Variants in PDE4B observed in about 807,000 individuals in gnomAD.
PDE4B encodes 3',5'-cyclic-AMP phosphodiesterase 4B.
In PDE4B, 20 loss-of-function variants were observed where a neutral mutation model predicts 82.2. That is an observed-to-expected ratio of 0.24 (90% CI 0.17 to 0.35). The LOEUF (loss-of-function observed/expected upper bound fraction) is 0.35, where lower values mean the gene tolerates loss of function less well. PDE4B is among the 10% of genes least tolerant of loss of function. PDE4B has a pLI of 1.00. For synonymous variants in PDE4B, 320 were observed against 318.9 expected, an observed-to-expected ratio of 1.00 and a Z score of -0.04; for missense variants, 655 against 907.2, an observed-to-expected ratio of 0.72 and a Z score of 3.57.
chr1:65,807,465 A>G (rs903022145), intron 1 of PDE4B, among the ~76,000 whole-genome samples: 3 of 152,242 alleles, frequency 2.0e-5, no homozygotes, highest in African/African-American at 7.2e-5. Flanking sequence ...CAATGCTTTA[A>G]TAAGTATCCC....
chr1:66,237,859 G>A (rs1194483179), intron 3 of PDE4B, among the ~76,000 whole-genome samples: 1 of 152,160 alleles, frequency 6.6e-6, no homozygotes. Context: ...ATAACCTGCA[G>A]TATGTCCCAG....
chr1:66,365,170 A>G (rs1246680566), intron 12 of PDE4B, among the ~76,000 whole-genome samples: 1 of 152,206 alleles, frequency 6.6e-6, no homozygotes, highest in Admixed American at 6.6e-5. Context: ...ATAATATCTG[A>G]AAGCTTGTGA....
chr1:66,299,748 G>A (rs1282495144), intron 7 of PDE4B, among the ~76,000 whole-genome samples: 2 of 152,042 alleles, frequency 1.3e-5, no homozygotes, highest in African/African-American at 4.8e-5. Flanking sequence ...TTCTGATAAT[G>A]GCCAAAAGCT....
Position 66,145,701 on chromosome 1 carries a change from C to T in PDE4B, c.282-101759C>T, listed in dbSNP as rs148698717. On this transcript the variant is annotated intron_variant, in intron 3 of 16. Coordinates refer to ENST00000341517, the MANE Select transcript of PDE4B (RefSeq NM_002600.4). ...TCTTCAGATGATGGGAAGTGATTTC[C>T]GCAAAAGCTTTTATGCCTTAATTGC... Among the ~76,000 whole-genome samples the T allele has an allele frequency of 4.8e-3, 724 of 152,158 alleles. 3 individuals are homozygous for T. Among genetic ancestry groups the T allele is most frequent in the Non-Finnish European group, 8.2e-3 (558 of 68,016 alleles).
chr1:66,229,809 C>T (rs556089843), intron 3 of PDE4B, among the ~76,000 whole-genome samples: 1 of 152,172 alleles, frequency 6.6e-6, no homozygotes, highest in African/African-American at 2.4e-5. Flanking sequence ...TAATCTAATC[C>T]TCACAGCAAG....
intron 3 of PDE4B, among the ~76,000 whole-genome samples, chr1:66,204,104 G>A (rs962170601): frequency 6.6e-6 from 1 of 152,200 alleles, no homozygotes; most frequent in African/African-American, 2.4e-5. Flanking sequence ...GAGTTTGCTA[G>A]AGGTCCATTC....
At chr1:66,092,930 A>G (rs1645051917) in intron 3 of PDE4B, among the ~76,000 whole-genome samples, 1 of 152,120 alleles carries the variant, frequency 6.6e-6, no homozygotes, top group Non-Finnish European at 1.5e-5. Flanking sequence ...CCTATAGGCC[A>G]TGTTGAGCAT....
intron 1 of PDE4B, among the ~76,000 whole-genome samples, chr1:65,909,523 T>A (rs1018434270): frequency 6.6e-6 from 1 of 152,124 alleles, no homozygotes; most frequent in Non-Finnish European, 1.5e-5. Context: ...TGCAATTATA[T>A]AAAGAATATT....
intron 6 of PDE4B, among the ~76,000 whole-genome samples, chr1:66,263,071 A>G (rs1654802400): frequency 6.6e-6 from 1 of 152,254 alleles, no homozygotes; most frequent in African/African-American, 2.4e-5. Context: ...GAGTACCTCC[A>G]TCATAGCAAA....
intron 1 of PDE4B, among the ~76,000 whole-genome samples, chr1:65,816,585 C>G (rs1303282777): frequency 6.6e-6 from 1 of 152,056 alleles, no homozygotes; most frequent in Admixed American, 6.5e-5. Flanking sequence ...TCACAGATTT[C>G]ATCACAAAGA....
intron 3 of PDE4B, among the ~76,000 whole-genome samples, chr1:66,215,720 G>C (rs1570486385): frequency 1.3e-5 from 2 of 152,124 alleles, no homozygotes; most frequent in African/African-American, 4.8e-5. Flanking sequence ...GAACCAGAGA[G>C]AGGCCAGGGA....
At chr1:66,340,435 C>T (rs972928453) in intron 8 of PDE4B, among the ~76,000 whole-genome samples, 1 of 152,156 alleles carries the variant, frequency 6.6e-6, no homozygotes, top group Non-Finnish European at 1.5e-5. Flanking sequence ...TTCTGTTCAA[C>T]AGTCACTTTT....
chr1:66,331,834 T>C (rs888669536), intron 7 of PDE4B: 7 of 985,192 alleles, frequency 7.1e-6, no homozygotes, highest in Non-Finnish European at 8.4e-6. Context: ...GACTGGAGTC[T>C]TATCAGGGAG....
At chr1:65,870,291 T>C (rs1646558423) in intron 1 of PDE4B, among the ~76,000 whole-genome samples, 1 of 152,148 alleles carries the variant, frequency 6.6e-6, no homozygotes, top group African/African-American at 2.4e-5. Flanking sequence ...GTTATTTTTG[T>C]CTTTAAATCA....
At chr1:65,953,649 T>C (rs1450857556) in intron 3 of PDE4B, among the ~76,000 whole-genome samples, 1 of 152,040 alleles carries the variant, frequency 6.6e-6, no homozygotes, top group African/African-American at 2.4e-5. Flanking sequence ...CCTTAATATA[T>C]TTGTGTTGTT....
At chr1:65,885,641 C>T (rs535106897) in intron 1 of PDE4B, among the ~76,000 whole-genome samples, 4 of 151,770 alleles carry the variant, frequency 2.6e-5, no homozygotes, top group South Asian at 4.2e-4. Context: ...TGTTCTCACT[C>T]ATAGGTTGGA....
intron 1 of PDE4B, among the ~76,000 whole-genome samples, chr1:65,853,253 A>T (rs888073683): frequency 3.9e-5 from 6 of 152,084 alleles, no homozygotes; most frequent in African/African-American, 1.4e-4. Context: ...CTTATAATGT[A>T]TCTATAACTT....
At chr1:65,958,762 G>A (rs201744004) in intron 3 of PDE4B, among the ~76,000 whole-genome samples, 2,329 of 148,042 alleles carry the variant, frequency 0.016, 31 homozygotes, top group Non-Finnish European at 0.022. Flanking sequence ...GCGCGCGCGC[G>A]CGCACACACA....
At position 66,329,374 on chromosome 1, in the gene PDE4B, C is replaced by A. The variant is rs1033479916; in HGVS notation, c.635-3134C>A. On this transcript the variant is annotated intron_variant, in intron 7 of 16. Coordinates refer to ENST00000341517, the MANE Select transcript of PDE4B (RefSeq NM_002600.4). ...AAATAAAAAGTATATGAAGAAAAAA[C>A]CACCATGACAAGTTGAAAGAGAGAA... 5.9e-5 allele frequency among the ~76,000 whole-genome samples: 9 copies of A among 152,190 alleles called. No homozygotes were observed. In the East Asian group the frequency reaches 9.6e-4, roughly 16 times the overall value.
Sources: gnomAD v4.1 joint callset for allele counts (sites outside exome capture counted in the v4.1 genomes callset) on GRCh38, gnomAD v4.1.1 for gene constraint, MANE v1.5 for transcripts, NCBI Gene and HGNC (gene_info 2026-07-23, HGNC 2026-07-21) for gene names.